TYRO3: variants seen among roughly 807,000 people sequenced by gnomAD.
TYRO3 encodes the protein tyrosine-protein kinase receptor TYRO3.
A neutral mutation model predicts 95.2 loss-of-function variants in TYRO3; 38 were observed. That is an observed-to-expected ratio of 0.40 (90% CI 0.31 to 0.52). The LOEUF (loss-of-function observed/expected upper bound fraction) is 0.52. TYRO3 is among the 20% of genes least tolerant of loss of function. The pLI is 0.56. For missense variants in TYRO3, 812 were observed against 1,116.4 expected (o/e 0.73, Z 3.89); for synonymous variants, 367 against 432.9 (o/e 0.85, Z 1.89).
chr15:41,567,688 G>A (rs2055741813), intron 7 of TYRO3, 151 bp downstream of exon 7: 13 of 616,620 alleles, frequency 2.1e-5, no homozygotes, highest in Middle Eastern at 4.4e-4. Flanking sequence ...CACCTTGTAA[G>A]TAGTTCTTGT....
At position 41,573,813 on chromosome 15, in the gene TYRO3, C is replaced by T. The variant is rs2055830904; in HGVS notation, c.2280C>T (p.Asp760=). Residue 760 remains aspartate, a splice_region_variant and synonymous_variant, in exon 18 of 19, where the codon GAC becomes GAT. Transcript: ENST00000263798. ...AACAGCCTCCGGAGTGTATGGAGGA[C>T]GTGTGAGTATCCTGGGAAGGGGGCT... The part of the protein sequence containing the change: ...RLKQPPECME[D]VYDLMYQCWS... 8 of 1,613,870 alleles carry T rather than the reference C, an allele frequency of 5.0e-6. No homozygotes were observed. Among genetic ancestry groups the T allele is most frequent in the African/African-American group, 1.3e-5 (1 of 75,056 alleles).
At position 41,561,161 on chromosome 15, in the gene TYRO3, A is replaced by G; in HGVS notation, c.159A>G (p.Thr53=). Residue 53 remains threonine (T), a synonymous_variant, in exon 2 of 19, where the codon ACA becomes ACG. Transcript: ENST00000263798. ...LKLMGAPVKL[T]VSQGQPVKLN... ...TCATGGGAGCCCCGGTGAAGCTGAC[A>G]GTGTCTCAGGGGCAGCCGGTGAAGC... 2 of 1,614,208 alleles carry G rather than the reference A, an allele frequency of 1.2e-6. No homozygotes were observed. Among genetic ancestry groups the G allele is most frequent in the Non-Finnish European group, 8.5e-7 (1 of 1,180,024 alleles).
At chr15:41,560,362 A>G (rs2055630916) in intron 1 of TYRO3, among the ~76,000 whole-genome samples, 1 of 150,490 alleles carries the variant, frequency 6.6e-6, no homozygotes, top group Admixed American at 6.6e-5. Flanking sequence ...TCTGCTTAAA[A>G]ACATGCCAGG....
intron 1 of TYRO3, among the ~76,000 whole-genome samples, chr15:41,560,668 AC>A (rs1431810787): frequency 6.7e-6 from 1 of 150,286 alleles, no homozygotes; most frequent in East Asian, 1.9e-4. Flanking sequence ...TCAGGGGAGC[AC>A]CCCCTCCTTT....
At chr15:41,574,959 T>TC (rs1566903990) in intron 18 of TYRO3, among the ~76,000 whole-genome samples, 1 of 152,228 alleles carries the variant, frequency 6.6e-6, no homozygotes, top group African/African-American at 2.4e-5. Context: ...GCTCAAGGGA[T>TC]CCATCTGCCT....
At chr15:41,577,686 C>T (rs1266614061) in intron 18 of TYRO3, 200 bp from the exon 19 acceptor site, 2 of 518,700 alleles carry the variant, frequency 3.9e-6, no homozygotes, top group Non-Finnish European at 6.9e-6. Context: ...AGGGTTTTGC[C>T]ATATTGCCCA....
At chr15:41,577,844 G>A (rs2055878847) in intron 18 of TYRO3, 42 bp from the exon 19 acceptor site, 1 of 1,385,150 alleles carries the variant, frequency 7.2e-7, no homozygotes, top group East Asian at 2.3e-5. Context: ...CTGCTTTTGA[G>A]GGAAGGGCTC....
intron 3 of TYRO3, 52 bp from the exon 4 acceptor site, chr15:41,562,496 G>A: frequency 6.3e-7 from 1 of 1,597,542 alleles, no homozygotes; most frequent in Non-Finnish European, 8.5e-7. Context: ...GATTTGTACA[G>A]TAGGAAGCCA....
In TYRO3 at chr15:41,577,868, C is replaced by T. The variant is rs201046879; in HGVS notation, c.2283-18C>T. On this transcript the variant is annotated intron_variant, in intron 18 of 18. Transcript: ENST00000263798. The stretch of plus-strand genomic sequence containing the variant: ...AGGGAAGGGCTCCTGCCTTTTCTCA[C>T]GCTTCTCTCCACCCCAGGTATGATC... The T allele has an allele frequency of 1.2e-4, 164 of 1,313,692 alleles. No homozygotes were observed. The highest frequency in any genetic ancestry group is 3.0e-5 in the Non-Finnish European group (29 of 972,632). The allele number at this position is 1,313,692 out of a possible 1,614,324, so 81.4% of individuals were successfully genotyped here.
In TYRO3 at chr15:41,578,631, T is replaced by G. The variant is rs2055890729; in HGVS notation, c.*355T>G. 2.9e-6 allele frequency: 1 copy of G among 341,004 alleles called. No homozygotes were observed. The highest frequency in any genetic ancestry group is 5.3e-6 in the Non-Finnish European group (1 of 187,764). The allele number at this position is 341,004 out of a possible 1,614,324, so 21.1% of individuals were successfully genotyped here. On this transcript the variant is annotated 3_prime_UTR_variant, in exon 19 of 19. Coordinates refer to ENST00000263798, the MANE Select transcript of TYRO3 (RefSeq NM_006293.4). ...TCCAGCTCTGTGGGCCCTACCCTCC[T>G]GCTGAGCTGCCCCTGCTGCTTAAGT... is the stretch of plus-strand genomic sequence containing the variant.
chr15:41,572,611 C>T, intron 15 of TYRO3, 47 bp downstream of exon 15: 1 of 1,403,070 alleles, frequency 7.1e-7, no homozygotes, highest in Non-Finnish European at 9.7e-7. Context: ...GGTGGGAACA[C>T]AGGGCCTGGA....
rs115784902 is a variant in TYRO3 at position 41,573,208 on chromosome 15, C to T, written c.1985+97C>T. ...CCTGCCTGGGACAGTATCTGCTATG[C>T]ATGGGGGTAGCTTGGGAGCAAAGAT... On this transcript the variant is annotated intron_variant, in intron 16 of 18. Coordinates refer to ENST00000263798, the MANE Select transcript of TYRO3 (RefSeq NM_006293.4). 1,640 of 1,404,792 alleles carry T rather than the reference C, an allele frequency of 1.2e-3. 13 individuals carry two copies. The African/African-American group carries it at 0.021, about 18-fold the overall frequency. The allele number at this position is 1,404,792 out of a possible 1,614,324, so 87.0% of individuals were successfully genotyped here.
chr15:41,562,613 T>C lies in TYRO3; in HGVS notation c.475T>C (p.Ser159Pro). Reference protein sequence around the residue: ...AVPPNAPFQLSCEAVGPPEPV... With the variant: ...AVPPNAPFQLPCEAVGPPEPV... Reference sequence around the variant, plus strand: ...GCCACCCAATGCCCCTTTCCAACTGTCTTGTGAGGCTGTGGGTCCCCCTGA... The same window carrying C: ...GCCACCCAATGCCCCTTTCCAACTGCCTTGTGAGGCTGTGGGTCCCCCTGA... Residue 159 changes from serine (S) to proline (P), a missense_variant, in exon 4 of 19, where the codon TCT becomes CCT. Ser to Pro is a moderately conservative substitution (Grantham distance 74). Transcript: ENST00000263798. The C allele has an allele frequency of 4.3e-6, 7 of 1,613,954 alleles. No individual in the cohort carries two copies. Among genetic ancestry groups the C allele is most frequent in the Non-Finnish European group, 5.1e-6 (6 of 1,180,050 alleles).
intron 14 of TYRO3, 116 bp from the exon 15 acceptor site, chr15:41,572,327 A>G (rs1233962362): frequency 6.9e-7 from 1 of 1,446,454 alleles, no homozygotes; most frequent in Non-Finnish European, 9.3e-7. Flanking sequence ...GAAAAAATAA[A>G]AAATAAATAG....
chr15:41,579,096 T>A lies in TYRO3; in HGVS notation c.*820T>A, dbSNP rs777957492. On this transcript the variant is annotated 3_prime_UTR_variant, in exon 19 of 19. Coordinates refer to ENST00000263798, the MANE Select transcript of TYRO3 (RefSeq NM_006293.4). Reference sequence around the variant, plus strand: ...CCTAAGACTAACAAAGGCAGCTGTGTCTGAGCCCAACCCTTCTAAACGGTG... The same window carrying A: ...CCTAAGACTAACAAAGGCAGCTGTGACTGAGCCCAACCCTTCTAAACGGTG... 6.6e-6 allele frequency: 1 copy of A among 152,500 alleles called. No individual in the cohort carries two copies. The highest frequency in any genetic ancestry group is 1.5e-5 in the Non-Finnish European group (1 of 68,274). The allele number at this position is 152,500 out of a possible 1,614,324, so 9.4% of individuals were successfully genotyped here.
Position 41,573,180 on chromosome 15 carries a change from G to A in TYRO3, c.1985+69G>A. On this transcript the variant is annotated intron_variant, in intron 16 of 18. Coordinates refer to ENST00000263798, the MANE Select transcript of TYRO3 (RefSeq NM_006293.4). ...GCCAAGAGGAGCTAGCTGATGGTCG[G>A]CTCCTGCCTGGGACAGTATCTGCTA... 3 of 1,422,004 alleles carry A rather than the reference G, an allele frequency of 2.1e-6. No individual in the cohort carries two copies. In the African/African-American group the frequency reaches 4.3e-5, roughly 20 times the overall value. 88.1% of individuals were successfully genotyped at this position (1,422,004 alleles called of 1,614,324 possible).
chr15:41,562,667 A>G lies in TYRO3; in HGVS notation c.529A>G (p.Thr177Ala), dbSNP rs1321141455. 2 of 1,614,166 alleles carry G rather than the reference A, an allele frequency of 1.2e-6. No individual in the cohort carries two copies. Among genetic ancestry groups the G allele is most frequent in the South Asian group, 2.2e-5 (2 of 91,084 alleles). ...EPVTIVWWRG[T>A]TKIGGPAPSP... is the part of the protein sequence containing the mutation. The stretch of plus-strand genomic sequence containing the variant: ...TGTTACCATTGTCTGGTGGAGAGGA[A>G]CTACGAAGATCGGGGGACCCGCTCC... Residue 177 changes from threonine to alanine, a missense_variant, in exon 4 of 19, where the codon ACT (threonine) becomes GCT (alanine). Thr to Ala is a moderately conservative substitution (Grantham distance 58). Transcript: ENST00000263798.
chr15:41,561,435 C>G, intron 2 of TYRO3, 104 bp from the exon 3 acceptor site: 1 of 1,414,352 alleles, frequency 7.1e-7, no homozygotes, highest in East Asian at 2.5e-5. Flanking sequence ...ATTTGGCTAC[C>G]TGTGGGACCT....
intron 6 of TYRO3, among the ~76,000 whole-genome samples, chr15:41,565,507 CA>C (rs2055710818): frequency 6.6e-6 from 1 of 151,196 alleles, no homozygotes; most frequent in Non-Finnish European, 1.5e-5. Flanking sequence ...CTCCTGGGTT[CA>C]AGTGATTCTC....
Sources: allele counts gnomAD v4.1 joint callset (sites outside exome capture counted in the v4.1 genomes callset), GRCh38; gene constraint gnomAD v4.1.1; transcripts MANE v1.5; gene names NCBI Gene and HGNC (gene_info 2026-07-23, HGNC 2026-07-21).